Variants in BACH2 observed in about 807,000 individuals in gnomAD.
The protein encoded by BACH2 is BACH transcriptional regulator 2.
A neutral mutation model predicts 61.8 loss-of-function variants in BACH2; 5 were observed. The ratio of observed to expected loss-of-function variants is 0.08; its 90% CI spans 0.04 to 0.17. The LOEUF is 0.17. Ranked by LOEUF, BACH2 falls within the 10% of genes least tolerant of loss-of-function variation. The pLI, the probability that BACH2 is intolerant of heterozygous loss-of-function variation, is 1.00. For missense variants in BACH2, 824 were observed against 1,091.1 expected, an observed-to-expected ratio of 0.76 and a Z score of 3.45; for synonymous variants, 446 against 440.1, an observed-to-expected ratio of 1.01 and a Z score of -0.17.
intron 3 of BACH2, among the ~76,000 whole-genome samples, chr6:90,209,777 G>A (rs954492028): frequency 1.3e-5 from 2 of 151,974 alleles, no homozygotes; most frequent in South Asian, 2.1e-4. Context: ...TCCTGCCCCC[G>A]CCCCAACTGT....
intron 5 of BACH2, among the ~76,000 whole-genome samples, chr6:90,042,089 T>A (rs190613316): frequency 6.6e-5 from 10 of 152,296 alleles, no homozygotes; most frequent in African/African-American, 2.2e-4. Context: ...TACCTAAACA[T>A]TGCATATAAA....
In BACH2 at chr6:89,978,657, A is replaced by G. The variant is rs551450364; in HGVS notation, c.244-26795T>C. Among the ~76,000 whole-genome samples, 10 of 148,398 alleles carry G rather than the reference A, an allele frequency of 6.7e-5. No homozygotes were observed. The South Asian group carries it at 1.9e-3, about 28-fold the overall frequency. On this transcript the variant is annotated intron_variant, in intron 6 of 8. Transcript: ENST00000257749. Reference sequence around the variant, plus strand: ...TTAAAAAAAAAAAAAAAAAAAAAAAAGCAAAATAAACAGCAGAACATTAGC... The same window carrying G: ...TTAAAAAAAAAAAAAAAAAAAAAAAGGCAAAATAAACAGCAGAACATTAGC...
At chr6:89,963,034 C>T (rs1362097053) in intron 6 of BACH2, among the ~76,000 whole-genome samples, 9 of 152,154 alleles carry the variant, frequency 5.9e-5, no homozygotes, top group African/African-American at 2.2e-4. Context: ...CCTACAACTC[C>T]CAACAGCAAA....
intron 8 of BACH2, among the ~76,000 whole-genome samples, chr6:89,934,720 C>T (rs1213589611): frequency 2.6e-5 from 4 of 151,938 alleles, no homozygotes; most frequent in Non-Finnish European, 4.4e-5. Context: ...ATGAGGCACA[C>T]ACAATGAAGT....
chr6:90,214,789 T>G (rs1769476869), intron 3 of BACH2, among the ~76,000 whole-genome samples: 1 of 129,776 alleles, frequency 7.7e-6, no homozygotes, highest in South Asian at 2.6e-4. Flanking sequence ...TGAGACAGGG[T>G]CTCACTCTGT....
intron 4 of BACH2, among the ~76,000 whole-genome samples, chr6:90,188,760 G>GAAAAAAAAAAAAA: frequency 1.3e-5 from 1 of 78,746 alleles, no homozygotes; most frequent in Non-Finnish European, 2.6e-5. Context: ...GCCCCAAAAT[G>GAAAAAAAAAAAAA]AAAAAAAAAA....
At position 89,971,320 on chromosome 6, in the gene BACH2, T is replaced by C. The variant is rs539827293; in HGVS notation, c.244-19458A>G. On this transcript the variant is annotated intron_variant, in intron 6 of 8. Coordinates refer to ENST00000257749, the MANE Select transcript of BACH2 (RefSeq NM_021813.4). Reference sequence around the variant, plus strand: ...CATTCTCCTCCACAGGAATTCACAATATGGGATGTCACTGGTGGGCACCTT... The same window carrying C: ...CATTCTCCTCCACAGGAATTCACAACATGGGATGTCACTGGTGGGCACCTT... Among the ~76,000 whole-genome samples the C allele has an allele frequency of 3.0e-4, 46 of 152,312 alleles. 1 individual carries two copies. The highest frequency in any genetic ancestry group is 1.1e-3 in the African/African-American group (45 of 41,574).
intron 5 of BACH2, among the ~76,000 whole-genome samples, chr6:90,065,646 C>T (rs919417493): frequency 6.6e-6 from 1 of 152,164 alleles, no homozygotes; most frequent in Non-Finnish European, 1.5e-5. Flanking sequence ...CCAGTCGAGC[C>T]AGTCCAAACT....
At chr6:90,282,765 A>T (rs1047804280) in intron 1 of BACH2, among the ~76,000 whole-genome samples, 32 of 151,732 alleles carry the variant, frequency 2.1e-4, no homozygotes, top group African/African-American at 7.3e-4. Flanking sequence ...TCCCACCGAG[A>T]GTGTGTAAGT....
intron 5 of BACH2, among the ~76,000 whole-genome samples, chr6:90,075,710 A>C (rs1453289178): frequency 6.6e-6 from 1 of 152,166 alleles, no homozygotes; most frequent in African/African-American, 2.4e-5. Flanking sequence ...TCAGAATCTT[A>C]TGTATTCTCT....
At chr6:90,278,795 G>A (rs1398781216) in intron 1 of BACH2, among the ~76,000 whole-genome samples, 2 of 152,112 alleles carry the variant, frequency 1.3e-5, no homozygotes, top group African/African-American at 4.8e-5. Context: ...TCTTTTCTCT[G>A]AGAGCTCTCA....
chr6:90,030,758 C>T (rs1187792235), intron 5 of BACH2, among the ~76,000 whole-genome samples: 25 of 151,846 alleles, frequency 1.6e-4, no homozygotes, highest in South Asian at 2.1e-4. Context: ...GATTCACAGC[C>T]GAATTCTACC....
chr6:90,247,098 A>G (rs1770660554), intron 3 of BACH2, among the ~76,000 whole-genome samples: 1 of 152,204 alleles, frequency 6.6e-6, no homozygotes, highest in Non-Finnish European at 1.5e-5. Flanking sequence ...CATATAAATT[A>G]TTGACCTGCA....
At chr6:90,019,709 T>C (rs1427136055) in intron 5 of BACH2, among the ~76,000 whole-genome samples, 1 of 152,234 alleles carries the variant, frequency 6.6e-6, no homozygotes, top group Non-Finnish European at 1.5e-5. Flanking sequence ...CCTGCAGAGC[T>C]GGTTACAGGG....
intron 2 of BACH2, among the ~76,000 whole-genome samples, chr6:90,266,889 A>C (rs1211042825): frequency 6.6e-6 from 1 of 152,110 alleles, no homozygotes; most frequent in Non-Finnish European, 1.5e-5. Context: ...ACACTTGAGG[A>C]GGGTTAATTC....
At chr6:90,229,019 ATCCAT>A (rs1770006216) in intron 3 of BACH2, among the ~76,000 whole-genome samples, 1 of 152,194 alleles carries the variant, frequency 6.6e-6, no homozygotes, top group African/African-American at 2.4e-5. Flanking sequence ...AGTGAGTTCT[ATCCAT>A]GAGGTGATTC....
At position 90,178,482 on chromosome 6, in the gene BACH2, G is replaced by A. The variant is rs1044601517; in HGVS notation, c.-162+28087C>T. On this transcript the variant is annotated intron_variant, in intron 4 of 8. Coordinates refer to ENST00000257749, the MANE Select transcript of BACH2 (RefSeq NM_021813.4). ...GGGGCGTGTCTACTAGTAATAGTGCGTAAACGCTAACTGTACTCCTCGCTC... is the reference window on the plus strand; with the variant it reads ...GGGGCGTGTCTACTAGTAATAGTGCATAAACGCTAACTGTACTCCTCGCTC... Among the ~76,000 whole-genome samples, 9 of 152,254 alleles carry A rather than the reference G, an allele frequency of 5.9e-5. No homozygotes were observed. In the South Asian group the frequency reaches 8.3e-4, roughly 14 times the overall value.
intron 4 of BACH2, among the ~76,000 whole-genome samples, chr6:90,119,441 C>T (rs1460837736): frequency 1.3e-5 from 2 of 152,088 alleles, no homozygotes; most frequent in Non-Finnish European, 2.9e-5. Flanking sequence ...ATTTAAAATA[C>T]CCTGTACATT....
At chr6:90,223,701 A>G (rs1156279509) in intron 3 of BACH2, among the ~76,000 whole-genome samples, 2 of 151,916 alleles carry the variant, frequency 1.3e-5, no homozygotes, top group Non-Finnish European at 2.9e-5. Flanking sequence ...TCTTGAAAAC[A>G]TGGACTCAAG....
Sources: allele counts gnomAD v4.1 joint callset (sites outside exome capture counted in the v4.1 genomes callset), GRCh38; gene constraint gnomAD v4.1.1; transcripts MANE v1.5; gene names NCBI Gene and HGNC (gene_info 2026-07-23, HGNC 2026-07-21).